RBPJ: variants seen among roughly 807,000 people sequenced by gnomAD.
RBPJ encodes recombination signal binding protein for immunoglobulin kappa J region, also known as recombining binding protein suppressor of hairless.
In RBPJ, 9 loss-of-function variants were observed where a neutral mutation model predicts 67.8. The observed-to-expected ratio is 0.13, with a 90% CI of 0.08 to 0.23. The LOEUF (loss-of-function observed/expected upper bound fraction) is 0.23, where lower values mean the gene tolerates loss of function less well. RBPJ is among the 10% of genes least tolerant of loss of function. The pLI, the probability that RBPJ is intolerant of heterozygous loss-of-function variation, is 1.00. For synonymous variants in RBPJ, 198 were observed against 203.3 expected, an observed-to-expected ratio of 0.97 and a Z score of 0.22; for missense variants, 305 against 595.6, an observed-to-expected ratio of 0.51 and a Z score of 5.08.
upstream of RBPJ, chr4:26,320,461 T>C (rs147698316): frequency 4.3e-4 from 176 of 405,618 alleles, no homozygotes; most frequent in African/African-American, 3.1e-3. Flanking sequence ...CTGGCGCTCC[T>C]GCACCAAACG....
intron 8 of RBPJ, 61 bp downstream of exon 8, chr4:26,428,921 A>G: frequency 7.6e-7 from 1 of 1,308,364 alleles, no homozygotes; most frequent in Non-Finnish European, 1.1e-6. Flanking sequence ...AGCAGCTTGC[A>G]AAAATATGAA....
chr4:26,315,542 G>A (rs6448449), upstream of RBPJ, among the ~76,000 whole-genome samples: 30,544 of 151,922 alleles, frequency 0.2, 4,958 homozygotes, highest in African/African-American at 0.44. Flanking sequence ...TCACAAGGCA[G>A]AGGGCAAAAT....
intron 3 of RBPJ, among the ~76,000 whole-genome samples, chr4:26,412,129 A>AG (rs1249899291): frequency 6.6e-6 from 1 of 151,874 alleles, no homozygotes; most frequent in Non-Finnish European, 1.5e-5. Flanking sequence ...AAAAAAAAAA[A>AG]AAGTACCATT....
At chr4:26,386,451 G>A in intron 2 of RBPJ, 60 bp downstream of exon 2, 1 of 1,108,538 alleles carries the variant, frequency 9.0e-7, no homozygotes, top group Non-Finnish European at 1.3e-6. Context: ...AAATCTTATT[G>A]TTTTAGATAT....
the RBPJ span, among the ~76,000 whole-genome samples, chr4:26,109,503 T>C: frequency 1.6e-4 from 11 of 69,124 alleles, no homozygotes; most frequent in South Asian, 1.6e-3. Context: ...CACACACACA[T>C]ATATATATAT....
At chr4:26,200,414 A>T (rs559214196) in intron 1 of RBPJ, among the ~76,000 whole-genome samples, 1 of 152,300 alleles carries the variant, frequency 6.6e-6, no homozygotes, top group African/African-American at 2.4e-5. Context: ...CATGCCTGTT[A>T]TCTCAGAACT....
intron 1 of RBPJ, chr4:26,321,759 C>T (rs975197521): frequency 1.3e-5 from 2 of 152,548 alleles, no homozygotes; most frequent in Admixed American, 6.5e-5. Context: ...CTCGGCACCC[C>T]CTTCCTCTCC....
intron 1 of RBPJ, among the ~76,000 whole-genome samples, chr4:26,298,656 A>G (rs1048439559): frequency 1.3e-5 from 2 of 152,214 alleles, no homozygotes; most frequent in African/African-American, 2.4e-5. Context: ...ACAAATTCCT[A>G]TAAACTCAAG....
At chr4:26,360,614 G>GAC (rs1227499281) in intron 1 of RBPJ, among the ~76,000 whole-genome samples, 3 of 127,702 alleles carry the variant, frequency 2.3e-5, no homozygotes, top group African/African-American at 8.9e-5. Context: ...TTTTTTTTGA[G>GAC]ACAGAGTCTC....
At chr4:26,425,146 A>G (rs1173708962) in intron 7 of RBPJ, among the ~76,000 whole-genome samples, 1 of 152,174 alleles carries the variant, frequency 6.6e-6, no homozygotes, top group East Asian at 1.9e-4. Context: ...TTGCAAACAG[A>G]AGACATTCTT....
At chr4:26,381,439 A>T (rs1291760652) in intron 1 of RBPJ, among the ~76,000 whole-genome samples, 2 of 152,148 alleles carry the variant, frequency 1.3e-5, no homozygotes, top group African/African-American at 4.8e-5. Context: ...GCTTAAAAAA[A>T]ATCTCATACT....
chr4:26,176,543 C>G (rs547154642), intron 1 of RBPJ, among the ~76,000 whole-genome samples: 3 of 152,164 alleles, frequency 2.0e-5, no homozygotes, highest in African/African-American at 4.8e-5. Flanking sequence ...TAATTATCAC[C>G]GTGCTTGCTA....
At chr4:26,252,805 C>T (rs138632851) in intron 1 of RBPJ, among the ~76,000 whole-genome samples, 2 of 152,126 alleles carry the variant, frequency 1.3e-5, no homozygotes, top group South Asian at 2.1e-4. Context: ...CTTTTGGATT[C>T]GAGTTGAATG....
chr4:26,244,481 GTGTATACATATATGTGTGTATATA>G (rs1203351567), intron 1 of RBPJ, among the ~76,000 whole-genome samples: 12 of 142,568 alleles, frequency 8.4e-5, no homozygotes, highest in East Asian at 3.9e-4. Context: ...ATACATATGT[GTGTATACATATATGTGTGTATATA>G]TGTATACATA....
chr4:26,241,534 CAG>C (rs1162942482), intron 1 of RBPJ, among the ~76,000 whole-genome samples: 1 of 151,964 alleles, frequency 6.6e-6, no homozygotes, highest in African/African-American at 2.4e-5. Context: ...TTTTTTGAGA[CAG>C]AGTCTCCCTC....
chr4:26,142,397 G>T, the RBPJ span, among the ~76,000 whole-genome samples: 1 of 152,220 alleles, frequency 6.6e-6, no homozygotes, highest in African/African-American at 2.4e-5. Context: ...GAGGCCAGTG[G>T]GATGCAGTTG....
chr4:26,352,604 TAGGA>T (rs752753393), intron 1 of RBPJ, among the ~76,000 whole-genome samples: 8 of 152,122 alleles, frequency 5.3e-5, no homozygotes, highest in Non-Finnish European at 1.2e-4. Context: ...GCTTGAGACC[TAGGA>T]AGGAGAATCA....
chr4:26,233,512 G>A (rs760449399), intron 1 of RBPJ, among the ~76,000 whole-genome samples: 126 of 152,258 alleles, frequency 8.3e-4, no homozygotes, highest in Non-Finnish European at 1.3e-3. Context: ...CACTTCGTAT[G>A]CGTCATGTTA....
At chr4:26,266,586 G>A (rs1330274143) in intron 1 of RBPJ, among the ~76,000 whole-genome samples, 1 of 152,068 alleles carries the variant, frequency 6.6e-6, no homozygotes, top group African/African-American at 2.4e-5. Context: ...CTTACATGGG[G>A]GTGTTATGAC....
Sources: allele counts gnomAD v4.1 joint callset (sites outside exome capture counted in the v4.1 genomes callset), GRCh38; gene constraint gnomAD v4.1.1; transcripts MANE v1.5; gene names NCBI Gene and HGNC (gene_info 2026-07-23, HGNC 2026-07-21).